Variants in EDAR observed in about 807,000 individuals in gnomAD.
The protein encoded by EDAR is tumor necrosis factor receptor superfamily member EDAR.
EDAR carries 38 observed loss-of-function variants against 51.3 expected under a neutral mutation model. That is an observed-to-expected ratio of 0.74 (90% CI 0.57 to 0.97). The LOEUF is 0.97. Among genes scored for constraint, EDAR ranks in the 50% least tolerant of loss-of-function variants. The pLI is 0.00. For missense variants in EDAR, 528 were observed against 595.0 expected (o/e 0.89, Z 1.17); for synonymous variants, 227 against 242.1 (o/e 0.94, Z 0.58).
At chr2:108,968,444 G>T (rs1398885278) in intron 1 of EDAR, among the ~76,000 whole-genome samples, 1 of 152,124 alleles carries the variant, frequency 6.6e-6, no homozygotes, top group African/African-American at 2.4e-5. Flanking sequence ...GTTCATTATG[G>T]GGAGGTTTGT....
chr2:108,903,490 T>G (rs745886991), intron 11 of EDAR, among the ~76,000 whole-genome samples: 6 of 152,162 alleles, frequency 3.9e-5, no homozygotes, highest in Admixed American at 2.0e-4. Context: ...TCAGGACTTA[T>G]ATGTTATTAC....
intron 4 of EDAR, among the ~76,000 whole-genome samples, chr2:108,926,993 T>G (rs115435041): frequency 6.6e-6 from 1 of 152,060 alleles, no homozygotes; most frequent in Admixed American, 6.5e-5. Context: ...TTGTCTGCAG[T>G]AGAGGGGGCA....
intron 1 of EDAR, among the ~76,000 whole-genome samples, chr2:108,958,546 G>A (rs1224149779): frequency 6.6e-6 from 1 of 152,146 alleles, no homozygotes; most frequent in Non-Finnish European, 1.5e-5. Context: ...CTGGACCCAG[G>A]ACGCACAGTA....
intron 11 of EDAR, among the ~76,000 whole-genome samples, chr2:108,898,325 G>C (rs1175551710): frequency 6.6e-6 from 1 of 152,132 alleles, no homozygotes; most frequent in Non-Finnish European, 1.5e-5. Flanking sequence ...CATGTCAGTA[G>C]CCATACTCCC....
intron 4 of EDAR, among the ~76,000 whole-genome samples, chr2:108,925,473 C>G (rs1260447468): frequency 1.3e-5 from 2 of 152,228 alleles, no homozygotes; most frequent in Non-Finnish European, 2.9e-5. Flanking sequence ...GGTGGTGGCT[C>G]TGTCCCACGA....
At chr2:108,916,692 C>T (rs1352470725) in intron 5 of EDAR, among the ~76,000 whole-genome samples, 7 of 152,130 alleles carry the variant, frequency 4.6e-5, no homozygotes, top group African/African-American at 1.7e-4. Context: ...GCTCTGAGCA[C>T]GTGTGCGCAG....
intron 1 of EDAR, among the ~76,000 whole-genome samples, chr2:108,950,524 C>T (rs1697804599): frequency 6.6e-6 from 1 of 152,144 alleles, no homozygotes; most frequent in African/African-American, 2.4e-5. Flanking sequence ...CAGGGAAGCA[C>T]AAGAGATTGT....
intron 1 of EDAR, among the ~76,000 whole-genome samples, chr2:108,972,192 C>T (rs142511236): frequency 7.9e-4 from 121 of 152,362 alleles, no homozygotes; most frequent in African/African-American, 2.9e-3. Flanking sequence ...ATTTGGGAGT[C>T]ATTTATTACA....
At chr2:108,961,023 T>A (rs77123706) in intron 1 of EDAR, among the ~76,000 whole-genome samples, 47 of 152,264 alleles carry the variant, frequency 3.1e-4, no homozygotes, top group African/African-American at 1.1e-3. Context: ...AGAGTCCCAG[T>A]GGTAGAACTG....
chr2:108,981,738 C>T (rs1454273313), intron 1 of EDAR, among the ~76,000 whole-genome samples: 1 of 152,152 alleles, frequency 6.6e-6, no homozygotes, highest in Non-Finnish European at 1.5e-5. Flanking sequence ...CTGAACGAGC[C>T]CATGGAAACG....
intron 10 of EDAR, among the ~76,000 whole-genome samples, 200 bp downstream of exon 10, chr2:108,907,660 A>C (rs115587259): frequency 6.6e-5 from 10 of 152,062 alleles, no homozygotes; most frequent in African/African-American, 2.4e-4. Flanking sequence ...AAAAAAAAAA[A>C]ACAAAACTCA....
intron 4 of EDAR, among the ~76,000 whole-genome samples, chr2:108,928,600 G>A (rs10865026): frequency 0.56 from 84,505 of 152,134 alleles, 29,422 homozygotes; most frequent in Non-Finnish European, 0.79. Flanking sequence ...GGGGGAGGAA[G>A]CAGCAATGAT....
chr2:108,906,320 C>T lies in EDAR; in HGVS notation c.1012G>A (p.Gly338Arg), dbSNP rs1384220962. 1 of 1,614,168 alleles carries T rather than the reference C, an allele frequency of 6.2e-7. No individual in the cohort carries two copies. Among genetic ancestry groups the T allele is most frequent in the Admixed American group, 1.7e-5 (1 of 60,028 alleles). ...TTTTTCAGCTTACCTTCCACGACTC[C>T]ACACACGTTGGCATACACATCGAGG... The part of the protein sequence containing the change: ...KILDVYANVC[G>R]VVEGLSPTEL... The change falls in exon 11 of 12, where the codon GGA (glycine) becomes AGA (arginine). Residue 338 changes from glycine (G) to arginine (R), a missense_variant. Coordinates refer to ENST00000258443, the MANE Select transcript of EDAR (RefSeq NM_022336.4).
chr2:108,960,256 C>T (rs1698013137), intron 1 of EDAR, among the ~76,000 whole-genome samples: 1 of 152,164 alleles, frequency 6.6e-6, no homozygotes, highest in South Asian at 2.1e-4. Flanking sequence ...GAGGATCCCC[C>T]AAGGTTTTAA....
At chr2:108,971,320 C>A (rs1698227263) in intron 1 of EDAR, among the ~76,000 whole-genome samples, 1 of 152,042 alleles carries the variant, frequency 6.6e-6, no homozygotes, top group Non-Finnish European at 1.5e-5. Flanking sequence ...CTGCATTACC[C>A]AGGAGCTCGT....
chr2:108,899,236 A>G (rs1054494182), intron 11 of EDAR, among the ~76,000 whole-genome samples: 1 of 152,238 alleles, frequency 6.6e-6, no homozygotes, highest in Non-Finnish European at 1.5e-5. Flanking sequence ...TATAATCAGA[A>G]ACCTGGAGAC....
At chr2:108,973,509 A>C (rs1490973368) in intron 1 of EDAR, among the ~76,000 whole-genome samples, 1 of 152,064 alleles carries the variant, frequency 6.6e-6, no homozygotes, top group Non-Finnish European at 1.5e-5. Flanking sequence ...AAGGGCCTGA[A>C]CCCTGGCAGA....
At chr2:108,953,237 G>C (rs576422498) in intron 1 of EDAR, among the ~76,000 whole-genome samples, 3 of 152,250 alleles carry the variant, frequency 2.0e-5, no homozygotes, top group African/African-American at 7.2e-5. Context: ...TTATCCCTGT[G>C]AGGCATCTGA....
intron 5 of EDAR, among the ~76,000 whole-genome samples, chr2:108,915,670 C>A (rs900008741): frequency 6.6e-6 from 1 of 152,102 alleles, no homozygotes; most frequent in African/African-American, 2.4e-5. Flanking sequence ...GAGGCCGAGG[C>A]GGGAGGATCA....
Sources: gnomAD v4.1 joint callset for allele counts (sites outside exome capture counted in the v4.1 genomes callset) on GRCh38, gnomAD v4.1.1 for gene constraint, MANE v1.5 for transcripts, NCBI Gene and HGNC (gene_info 2026-07-23, HGNC 2026-07-21) for gene names.